The following FRMPD4 variants were observed in gnomAD, a reference collection of about 807,000 sequenced individuals.
FRMPD4 encodes FERM and PDZ domain containing 4, also known as FERM and PDZ domain-containing protein 4.
In FRMPD4, 22 loss-of-function variants were observed where a neutral mutation model predicts 94.1. That is an observed-to-expected ratio of 0.23 (90% CI 0.17 to 0.33). FRMPD4 has a LOEUF of 0.33. Ranked by LOEUF, FRMPD4 falls within the 10% of genes least tolerant of loss-of-function variation. The pLI, the probability that FRMPD4 is intolerant of heterozygous loss-of-function variation, is 1.00. For missense variants in FRMPD4, 1,111 were observed against 1,339.9 expected (o/e 0.83, Z 2.67); for synonymous variants, 631 against 548.6 (o/e 1.15, Z -2.10).
At chrX:12,168,036 A>G (rs2056151783) in intron 1 of FRMPD4, among the ~76,000 whole-genome samples, 1 of 108,026 alleles carries the variant, frequency 9.3e-6, no homozygotes, top group Admixed American at 9.7e-5. Context: ...ACTGGTATCT[A>G]GTGGCTAGAG....
At chrX:12,305,725 GTTTTTTT>G (rs58794898) in intron 1 of FRMPD4, among the ~76,000 whole-genome samples, 1 of 59,721 alleles carries the variant, frequency 1.7e-5, no homozygotes, top group Non-Finnish European at 2.8e-5. Context: ...AGCTGGCTAA[GTTTTTTT>G]TTTTTTTTTT....
chrX:12,069,749 A>G (rs1320679159), intron 3 of FRMPD4, among the ~76,000 whole-genome samples: 1 of 111,848 alleles, frequency 8.9e-6, no homozygotes, highest in Admixed American at 9.5e-5. Context: ...ATGAGGGGGA[A>G]GAGAAGCAGG....
intron 3 of FRMPD4, among the ~76,000 whole-genome samples, chrX:11,950,106 C>T (rs1417262251): frequency 9.0e-6 from 1 of 111,078 alleles, no homozygotes; most frequent in Non-Finnish European, 1.9e-5. Context: ...GATGTTTTTT[C>T]CCATGCTGTT....
At chrX:12,488,475 T>C (rs779942685) in intron 1 of FRMPD4, among the ~76,000 whole-genome samples, 17 of 111,878 alleles carry the variant, frequency 1.5e-4, no homozygotes, top group Non-Finnish European at 3.2e-4. Context: ...TGCCAGCATA[T>C]TGCATATTTG....
At chrX:11,971,198 G>A (rs1464211255) in intron 3 of FRMPD4, among the ~76,000 whole-genome samples, 1 of 112,103 alleles carries the variant, frequency 8.9e-6, no homozygotes, top group Non-Finnish European at 1.9e-5. Flanking sequence ...CTGAGTTGCT[G>A]CCTTACATGC....
chrX:12,271,240 A>G (rs1213502056), intron 1 of FRMPD4, among the ~76,000 whole-genome samples: 1 of 112,314 alleles, frequency 8.9e-6, no homozygotes, highest in Admixed American at 9.4e-5. Context: ...ATGCAGAATA[A>G]TGTCACAAGT....
intron 1 of FRMPD4, among the ~76,000 whole-genome samples, chrX:12,493,288 A>G (rs2057810569): frequency 9.0e-6 from 1 of 111,090 alleles, no homozygotes; most frequent in South Asian, 3.8e-4. Flanking sequence ...TAATCCAACC[A>G]CCATTTACAG....
chrX:12,463,681 G>GTTTTTT (rs764684007), intron 1 of FRMPD4, among the ~76,000 whole-genome samples: 3,480 of 50,814 alleles, frequency 0.068, 512 homozygotes, highest in Middle Eastern at 0.1. Flanking sequence ...CTATGTGTGT[G>GTTTTTT]TTTTTTTTTT....
chrX:12,633,622 A>G (rs2059416874), intron 4 of FRMPD4, among the ~76,000 whole-genome samples: 1 of 112,404 alleles, frequency 8.9e-6, no homozygotes, highest in Non-Finnish European at 1.9e-5. Flanking sequence ...AACTAGTGTT[A>G]TGGATAAACA....
chrX:11,859,358 A>G (rs1215085342), intron 1 of FRMPD4, among the ~76,000 whole-genome samples: 2 of 112,084 alleles, frequency 1.8e-5, no homozygotes, highest in Non-Finnish European at 1.9e-5. Context: ...AAGGAATTTC[A>G]GGTTTTCAAA....
intron 1 of FRMPD4, among the ~76,000 whole-genome samples, chrX:12,409,193 C>T (rs1160138578): frequency 8.9e-6 from 1 of 111,786 alleles, no homozygotes; most frequent in Non-Finnish European, 1.9e-5. Flanking sequence ...CAATACAGCA[C>T]CTTTTTCAAA....
chrX:12,678,313 T>C (rs2147093909), intron 5 of FRMPD4, among the ~76,000 whole-genome samples: 1 of 112,698 alleles, frequency 8.9e-6, no homozygotes, highest in Admixed American at 9.4e-5. Flanking sequence ...CTGTAGTTAG[T>C]ATTTCCCCAG....
chrX:12,339,836 C>T (rs2055584206), intron 1 of FRMPD4, among the ~76,000 whole-genome samples: 2 of 111,584 alleles, frequency 1.8e-5, no homozygotes, highest in Non-Finnish European at 3.8e-5. Flanking sequence ...AGGCTGGTCT[C>T]GATCTCCTGA....
chrX:12,004,182 G>C (rs906986182), intron 3 of FRMPD4, among the ~76,000 whole-genome samples: 2 of 111,898 alleles, frequency 1.8e-5, no homozygotes, highest in Non-Finnish European at 1.9e-5. Context: ...CTCTAAACCA[G>C]AGCTCCATGT....
chrX:12,686,230 C>T, intron 7 of FRMPD4, 26 bp downstream of exon 7: 2 of 777,722 alleles, frequency 2.6e-6, no homozygotes, highest in Non-Finnish European at 4.0e-6. Flanking sequence ...AAACTCTGTC[C>T]CTGGACGCTT....
intron 2 of FRMPD4, among the ~76,000 whole-genome samples, chrX:12,593,227 T>C (rs1441142621): frequency 1.8e-5 from 2 of 112,368 alleles, no homozygotes; most frequent in Non-Finnish European, 3.8e-5. Flanking sequence ...GACCCCTCAC[T>C]TAACCTAGAA....
At chrX:12,710,682 C>T (rs768905731) in intron 14 of FRMPD4, 145 bp downstream of exon 14, 15 of 461,089 alleles carry the variant, frequency 3.3e-5, no homozygotes, top group African/African-American at 2.5e-4. Flanking sequence ...CCAAGGCAGG[C>T]GGATCACGAG....
At chrX:12,662,158 T>G (rs1157667169) in intron 4 of FRMPD4, among the ~76,000 whole-genome samples, 1 of 111,730 alleles carries the variant, frequency 9.0e-6, no homozygotes, top group Non-Finnish European at 1.9e-5. Flanking sequence ...GGGCTGAGAC[T>G]CACTAGCTTG....
intron 2 of FRMPD4, among the ~76,000 whole-genome samples, chrX:12,505,726 C>CAA (rs1321030638): frequency 2.7e-5 from 1 of 37,277 alleles, no homozygotes; most frequent in African/African-American, 1.5e-4. Flanking sequence ...AAACTCCATC[C>CAA]GAAAAAAAAA....
Sources: gnomAD v4.1 joint callset for allele counts (sites outside exome capture counted in the v4.1 genomes callset) on GRCh38, gnomAD v4.1.1 for gene constraint, MANE v1.5 for transcripts, NCBI Gene and HGNC (gene_info 2026-07-23, HGNC 2026-07-21) for gene names.